The following IMMP2L variants were observed in gnomAD, a reference collection of about 807,000 sequenced individuals.
IMMP2L encodes mitochondrial inner membrane protease subunit 2.
A neutral mutation model predicts 19.3 loss-of-function variants in IMMP2L; 18 were observed. The observed-to-expected ratio is 0.93, with a 90% confidence interval of 0.64 to 1.38. The LOEUF (loss-of-function observed/expected upper bound fraction) is 1.38. Among genes scored for constraint, IMMP2L ranks in the 40% most tolerant of loss-of-function variants. The probability of loss-of-function intolerance (pLI) is 0.00; values close to 1 mark genes in which losing one functional copy is unlikely to be tolerated. For synonymous variants in IMMP2L, 76 were observed against 73.0 expected (o/e 1.04, Z -0.21); for missense variants, 233 against 218.2 (o/e 1.07, Z -0.43).
intron 5 of IMMP2L, among the ~76,000 whole-genome samples, chr7:110,773,399 C>A (rs543936289): frequency 6.6e-6 from 1 of 152,204 alleles, no homozygotes; most frequent in East Asian, 1.9e-4. Context: ...CATTAGATCA[C>A]TCTTATCTGA....
intron 3 of IMMP2L, among the ~76,000 whole-genome samples, chr7:111,397,602 AT>A (rs1472637370): frequency 1.3e-5 from 2 of 152,170 alleles, no homozygotes; most frequent in Non-Finnish European, 2.9e-5. Context: ...GGTATGATGG[AT>A]GAAAAAGTAT....
At chr7:111,016,987 A>G (rs1283925624) in intron 3 of IMMP2L, among the ~76,000 whole-genome samples, 1 of 126,902 alleles carries the variant, frequency 7.9e-6, no homozygotes, top group African/African-American at 3.0e-5. Context: ...ATACTAATAT[A>G]TATTACATAT....
At chr7:111,133,742 C>T (rs1306572182) in intron 3 of IMMP2L, among the ~76,000 whole-genome samples, 1 of 151,814 alleles carries the variant, frequency 6.6e-6, no homozygotes, top group South Asian at 2.1e-4. Flanking sequence ...TATGAGAAGA[C>T]GTGGGAAATA....
chr7:110,796,820 T>G (rs1186072386), intron 5 of IMMP2L, among the ~76,000 whole-genome samples: 3 of 152,018 alleles, frequency 2.0e-5, no homozygotes, highest in Non-Finnish European at 4.4e-5. Flanking sequence ...ACCAAGGATA[T>G]CTACAAGGTG....
At chr7:111,066,770 C>T (rs1794541665) in intron 3 of IMMP2L, among the ~76,000 whole-genome samples, 1 of 152,146 alleles carries the variant, frequency 6.6e-6, no homozygotes, top group South Asian at 2.1e-4. Flanking sequence ...GCCTGGAGGC[C>T]TTGGGTCATG....
chr7:111,454,610 C>T (rs911372837), intron 3 of IMMP2L, among the ~76,000 whole-genome samples: 23 of 151,842 alleles, frequency 1.5e-4, no homozygotes, highest in African/African-American at 4.8e-4. Flanking sequence ...TCCTAAGATT[C>T]TTCTTATAAT....
At chr7:110,702,470 T>C (rs891421981) in intron 5 of IMMP2L, among the ~76,000 whole-genome samples, 14 of 152,176 alleles carry the variant, frequency 9.2e-5, no homozygotes, top group African/African-American at 3.1e-4. Flanking sequence ...ATTAAGATCT[T>C]AGTGCCTGCA....
intron 5 of IMMP2L, among the ~76,000 whole-genome samples, chr7:110,755,763 A>G (rs1398585250): frequency 6.6e-6 from 1 of 152,070 alleles, no homozygotes; most frequent in African/African-American, 2.4e-5. Flanking sequence ...AGACTGGGAC[A>G]AGCATACCTG....
chr7:111,012,507 A>G (rs1475258499), intron 3 of IMMP2L, among the ~76,000 whole-genome samples: 1 of 152,204 alleles, frequency 6.6e-6, no homozygotes, highest in Non-Finnish European at 1.5e-5. Flanking sequence ...TAATATTTAT[A>G]TATGATATTA....
intron 3 of IMMP2L, among the ~76,000 whole-genome samples, chr7:111,190,999 C>T (rs935902977): frequency 6.6e-6 from 1 of 151,894 alleles, no homozygotes; most frequent in Admixed American, 6.6e-5. Flanking sequence ...TTGCTTTGAG[C>T]GGGCAAACGG....
At chr7:111,355,504 A>G (rs556517909) in intron 3 of IMMP2L, among the ~76,000 whole-genome samples, 35 of 151,712 alleles carry the variant, frequency 2.3e-4, no homozygotes, top group Middle Eastern at 3.8e-3. Context: ...GTAATTTCAG[A>G]TATTTTTTCA....
At chr7:111,368,196 T>A (rs184380325) in intron 3 of IMMP2L, among the ~76,000 whole-genome samples, 2 of 151,906 alleles carry the variant, frequency 1.3e-5, no homozygotes, top group Non-Finnish European at 2.9e-5. Flanking sequence ...TAAGTGGATA[T>A]GTCATTTTAC....
intron 1 of IMMP2L, among the ~76,000 whole-genome samples, chr7:111,546,072 C>T (rs1479797608): frequency 6.6e-5 from 10 of 152,056 alleles, no homozygotes; most frequent in African/African-American, 2.4e-4. Flanking sequence ...TTTTTAACAA[C>T]ATAAATATTT....
intron 5 of IMMP2L, among the ~76,000 whole-genome samples, chr7:110,669,973 A>C (rs1791779531): frequency 6.6e-6 from 1 of 152,200 alleles, no homozygotes; most frequent in African/African-American, 2.4e-5. Context: ...TAGACTCATC[A>C]ATAAGTAAGT....
At chr7:111,081,512 T>C (rs919439012) in intron 3 of IMMP2L, among the ~76,000 whole-genome samples, 3 of 152,090 alleles carry the variant, frequency 2.0e-5, no homozygotes, top group African/African-American at 7.2e-5. Flanking sequence ...ACAGAGGGAG[T>C]GTCCTTAGTG....
In IMMP2L at chr7:111,141,407, G is replaced by A. The variant is rs114202016; in HGVS notation, c.240-177842C>T. Among the ~76,000 whole-genome samples the A allele has an allele frequency of 9.3e-3, 1,408 of 151,358 alleles. 25 individuals are homozygous for A. Among genetic ancestry groups the A allele is most frequent in the African/African-American group, 0.032 (1,325 of 41,126 alleles). Reference sequence around the variant, plus strand: ...TACATTATTATAAATTATTAGACCTGAGCCACATAGTATGCCAGGGTTACA... The same window carrying A: ...TACATTATTATAAATTATTAGACCTAAGCCACATAGTATGCCAGGGTTACA... On this transcript the variant is annotated intron_variant, in intron 3 of 5. Coordinates refer to ENST00000405709, the MANE Select transcript of IMMP2L (RefSeq NM_032549.4).
At chr7:111,279,051 G>A (rs1440335890) in intron 3 of IMMP2L, among the ~76,000 whole-genome samples, 2 of 152,044 alleles carry the variant, frequency 1.3e-5, no homozygotes, top group East Asian at 1.9e-4. Flanking sequence ...TTGAGAGCAG[G>A]TCCTCTGTGC....
intron 4 of IMMP2L, among the ~76,000 whole-genome samples, chr7:110,957,705 G>C (rs1375721297): frequency 6.6e-6 from 1 of 151,868 alleles, no homozygotes; most frequent in Admixed American, 6.6e-5. Flanking sequence ...TTTTAGGTTT[G>C]CATTTGTTAT....
intron 3 of IMMP2L, among the ~76,000 whole-genome samples, chr7:111,332,823 C>G (rs1312778752): frequency 6.6e-6 from 1 of 151,780 alleles, no homozygotes; most frequent in Non-Finnish European, 1.5e-5. Context: ...TATTTTCTAA[C>G]CAAAATTAAA....
Sources: gnomAD v4.1 joint callset for allele counts (sites outside exome capture counted in the v4.1 genomes callset) on GRCh38, gnomAD v4.1.1 for gene constraint, MANE v1.5 for transcripts, NCBI Gene and HGNC (gene_info 2026-07-23, HGNC 2026-07-21) for gene names.